Variants in ANKRD46 observed in about 807,000 individuals in gnomAD.
ANKRD46 encodes ankyrin repeat domain 46.
A neutral mutation model predicts 19.8 loss-of-function variants in ANKRD46; 13 were observed. The observed-to-expected ratio is 0.66, with a 90% CI of 0.43 to 1.04. The LOEUF is 1.04. Ranked by LOEUF, ANKRD46 falls within the 50% of genes least tolerant of loss-of-function variation. ANKRD46 has a pLI of 0.00. For missense variants in ANKRD46, 185 were observed against 274.8 expected (o/e 0.67, Z 2.31); for synonymous variants, 91 against 106.9 (o/e 0.85, Z 0.92).
At position 100,536,960 on chromosome 8, in the gene ANKRD46, C is replaced by T. The variant is rs1173809856; in HGVS notation, c.-130-3649G>A. On this transcript the variant is annotated intron_variant, in intron 1 of 4. Coordinates refer to ENST00000335659, the MANE Select transcript of ANKRD46 (RefSeq NM_001270377.2). This position sits in a 1 kb window ranked among gnomAD's most constrained non-coding sequence, Gnocchi z 4.9. The stretch of plus-strand genomic sequence containing the variant: ...TCACATGACGCAGTCACTTAGATCG[C>T]GGCAACAAGAGCTTCTTATGTCAAC... Among the ~76,000 whole-genome samples, 2 of 152,178 alleles carry T rather than the reference C, an allele frequency of 1.3e-5. No homozygotes were observed. Among genetic ancestry groups the T allele is most frequent in the African/African-American group, 2.4e-5 (1 of 41,432 alleles).
rs144540579 is a variant in ANKRD46, at chr8:100,552,988, C to T, written c.-131+6723G>A. On this transcript the variant is annotated intron_variant, in intron 1 of 4. Coordinates refer to ENST00000335659, the MANE Select transcript of ANKRD46 (RefSeq NM_001270377.2). ...AAGGAAAAAAATATGGTTTGTGGCA[C>T]ATGTTTCAGCAAAAGACAAAGGTCA... Among the ~76,000 whole-genome samples, 674 of 152,276 alleles carry T rather than the reference C, an allele frequency of 4.4e-3. 3 individuals are homozygous for T. Among genetic ancestry groups the T allele is most frequent in the Non-Finnish European group, 6.3e-3 (429 of 68,030 alleles).
intron 5 of ANKRD46, among the ~76,000 whole-genome samples, chr8:100,515,201 G>A (rs1361370292): frequency 1.3e-5 from 2 of 152,148 alleles, no homozygotes; most frequent in Non-Finnish European, 2.9e-5. Flanking sequence ...TGAATCAAAA[G>A]TATGCAGCGG....
downstream of ANKRD46, among the ~76,000 whole-genome samples, chr8:100,519,128 C>T (rs997223621): frequency 2.0e-5 from 3 of 152,180 alleles, no homozygotes; most frequent in African/African-American, 4.8e-5. Flanking sequence ...TTAGTCCAAG[C>T]TCAACATATG....
At position 100,544,413 on chromosome 8, in the gene ANKRD46, T is replaced by C. The variant is rs948328968; in HGVS notation, c.-130-11102A>G. On this transcript the variant is annotated intron_variant, in intron 1 of 4. Transcript: ENST00000335659. The surrounding 1 kb of genome is among the most constrained non-coding windows in gnomAD (Gnocchi z 4.4). ...AAGTGAGCATTGGATCAAATCTCAG[T>C]GTCAGGATTCTGCTAACCCCAAAGT... 5.3e-5 allele frequency among the ~76,000 whole-genome samples: 8 copies of C among 152,212 alleles called. No homozygotes were observed. Among genetic ancestry groups the C allele is most frequent in the African/African-American group, 1.9e-4 (8 of 41,450 alleles).
At chr8:100,533,123 T>C (rs1811998597) in intron 2 of ANKRD46, 86 bp downstream of exon 2, 1 of 152,254 alleles carries the variant, frequency 6.6e-6, no homozygotes, top group South Asian at 2.1e-4. Flanking sequence ...TTATTTTTCA[T>C]CTTGATCACA....
At chr8:100,556,961 C>A (rs1192710209) in intron 1 of ANKRD46, 1 of 152,114 alleles carries the variant, frequency 6.6e-6, no homozygotes, top group Non-Finnish European at 1.5e-5. Flanking sequence ...GCTTTAAATA[C>A]TACCCTTCTG....
intron 5 of ANKRD46, among the ~76,000 whole-genome samples, chr8:100,514,712 C>T (rs1811601360): frequency 6.7e-6 from 1 of 149,914 alleles, no homozygotes; most frequent in African/African-American, 2.5e-5. Flanking sequence ...ACCTCCACCC[C>T]TGGGGCTCAA....
In ANKRD46 at chr8:100,529,748, T is replaced by G. The variant is rs745894639; in HGVS notation, c.86A>C (p.Lys29Thr). 1 of 1,614,252 alleles carries G rather than the reference T, an allele frequency of 6.2e-7. No individual in the cohort carries two copies. The highest frequency in any genetic ancestry group is 8.5e-7 in the Non-Finnish European group (1 of 1,180,050). Residue 29 changes from lysine to threonine, a missense_variant, in exon 3 of 5, where the codon AAG (lysine) becomes ACG (threonine). Physicochemically the swap from Lys to Thr is moderately conservative, Grantham distance 78 (BLOSUM62 -1). Transcript: ENST00000335659. This position sits in a 1 kb window ranked among gnomAD's most constrained non-coding sequence, Gnocchi z 5.8. ...GTCAAAGCCACTTTCCAAAAGCCGC[T>G]TGGAATAATTAAAGTCCCCATCAAT... ...ACIDGDFNYS[K>T]RLLESGFDPN...
intron 1 of ANKRD46, among the ~76,000 whole-genome samples, chr8:100,549,124 T>C (rs1223847798): frequency 6.7e-6 from 1 of 149,692 alleles, no homozygotes. Flanking sequence ...GCTGTTTTTT[T>C]TTTTTTTAGT....
chr8:100,547,260 T>C (rs536362625), intron 1 of ANKRD46, among the ~76,000 whole-genome samples: 2 of 152,242 alleles, frequency 1.3e-5, no homozygotes, highest in East Asian at 3.9e-4. Flanking sequence ...GGGAGGGACC[T>C]GGTGGGAGGT....
chr8:100,531,131 G>C (rs966986977), intron 2 of ANKRD46, among the ~76,000 whole-genome samples: 1 of 152,154 alleles, frequency 6.6e-6, no homozygotes, highest in African/African-American at 2.4e-5. Context: ...ATTTAAGAAA[G>C]AGTTAAAGCC....
intron 1 of ANKRD46, among the ~76,000 whole-genome samples, chr8:100,554,131 T>C (rs1014971847): frequency 6.6e-6 from 1 of 152,248 alleles, no homozygotes; most frequent in South Asian, 2.1e-4. Context: ...AGGAAAGCTG[T>C]CCATTTTAAA....
intron 5 of ANKRD46, among the ~76,000 whole-genome samples, chr8:100,514,176 A>G (rs1021687899): frequency 1.3e-5 from 2 of 152,188 alleles, no homozygotes; most frequent in African/African-American, 4.8e-5. Flanking sequence ...AACCTCTAAA[A>G]AGTAATTTGG....
chr8:100,533,642 C>T (rs1812006978), intron 1 of ANKRD46, among the ~76,000 whole-genome samples: 2 of 152,266 alleles, frequency 1.3e-5, no homozygotes, highest in Admixed American at 1.3e-4. Flanking sequence ...ATTCAGAATG[C>T]ATATTTTTCA....
intron 1 of ANKRD46, among the ~76,000 whole-genome samples, chr8:100,540,728 CA>C (rs373647090): frequency 6.6e-6 from 1 of 152,190 alleles, no homozygotes; most frequent in Middle Eastern, 3.4e-3. Context: ...TGGCTTAAGA[CA>C]AATCAAAATT....
At position 100,511,208 on chromosome 8, in the gene ANKRD46, G is replaced by A. The variant is rs1187987288; in HGVS notation, c.637-569C>T. On this transcript the variant is annotated intron_variant, in intron 5 of 5. Coordinates refer to the ANKRD46 transcript ENST00000520552. The surrounding 1 kb of genome is among the most constrained non-coding windows in gnomAD (Gnocchi z 4.1). ...GAGCTGAGTCAGGAATATCCCCATTGAACAGATGGTGTACCTAAGGCTAGG... is the reference window on the plus strand; with the variant it reads ...GAGCTGAGTCAGGAATATCCCCATTAAACAGATGGTGTACCTAAGGCTAGG... 6.6e-6 allele frequency among the ~76,000 whole-genome samples: 1 copy of A among 152,168 alleles called. No homozygotes were observed. Among genetic ancestry groups the A allele is most frequent in the East Asian group, 1.9e-4 (1 of 5,202 alleles).
intron 1 of ANKRD46, among the ~76,000 whole-genome samples, chr8:100,558,339 T>C (rs1212861300): frequency 2.0e-5 from 3 of 152,204 alleles, no homozygotes; most frequent in African/African-American, 7.2e-5. Flanking sequence ...CATCAAAAAA[T>C]CTTTGATTTC....
chr8:100,534,808 C>T lies in ANKRD46; in HGVS notation c.-130-1497G>A, dbSNP rs2507767. Among the ~76,000 whole-genome samples the T allele has an allele frequency of 0.15, 22,502 of 152,208 alleles. 1,865 individuals are homozygous for T. The highest frequency in any genetic ancestry group is 0.22 in the South Asian group (1,083 of 4,822). On this transcript the variant is annotated intron_variant, in intron 1 of 4. Coordinates refer to ENST00000335659, the MANE Select transcript of ANKRD46 (RefSeq NM_001270377.2). The surrounding 1 kb of genome is among the most constrained non-coding windows in gnomAD (Gnocchi z 4.2). ...TTTTTGAGACAGAGTCTCACTCTGT[C>T]GCTGGTGCCGGAGTGCAGTGGTGCA...
chr8:100,528,285 C>T (rs1042729920), intron 3 of ANKRD46, among the ~76,000 whole-genome samples: 8 of 152,164 alleles, frequency 5.3e-5, no homozygotes, highest in South Asian at 2.1e-4. Flanking sequence ...TAACCAAACA[C>T]GTCCCCCACC....
Sources: gnomAD v4.1 joint callset for allele counts (sites outside exome capture counted in the v4.1 genomes callset) on GRCh38, gnomAD v4.1.1 for gene constraint, Gnocchi (gnomAD v3.1) non-coding constraint, MANE v1.5 for transcripts, NCBI Gene and HGNC (gene_info 2026-07-23, HGNC 2026-07-21) for gene names.